The following RAB3B variants were observed in gnomAD, a reference collection of about 807,000 sequenced individuals.
RAB3B encodes the protein ras-related protein Rab-3B.
RAB3B carries 11 observed loss-of-function variants against 20.5 expected under a neutral mutation model. That is an observed-to-expected ratio of 0.54 (90% CI 0.34 to 0.89). The LOEUF (loss-of-function observed/expected upper bound fraction) is 0.89, where lower values mean the gene tolerates loss of function less well. Ranked by LOEUF, RAB3B falls within the 40% of genes least tolerant of loss-of-function variation. The pLI is 0.02. For missense variants in RAB3B, 225 were observed against 280.9 expected, an observed-to-expected ratio of 0.80 and a Z score of 1.42; for synonymous variants, 99 against 106.3, an observed-to-expected ratio of 0.93 and a Z score of 0.42.
chr1:51,920,437 G>C (rs975754101), intron 4 of RAB3B, among the ~76,000 whole-genome samples: 1 of 152,170 alleles, frequency 6.6e-6, no homozygotes, highest in Non-Finnish European at 1.5e-5. Flanking sequence ...ATTATTTCAA[G>C]GATCAGGCAA....
chr1:51,981,676 T>TTTA (rs1685089918), intron 1 of RAB3B, among the ~76,000 whole-genome samples: 2 of 151,936 alleles, frequency 1.3e-5, no homozygotes, highest in Non-Finnish European at 2.9e-5. Flanking sequence ...ATGAACTGCA[T>TTTA]AACAACATTT....
In RAB3B at chr1:51,908,832, GTCT is replaced by G. The variant is rs1344930715; in HGVS notation, c.*11092_*11094del. ...GGTTGCTTCACTGATGCAGGCCTCA[GTCT>G]TCCTCATCTGTACTGGAAATAATAA... On this transcript the variant is annotated 3_prime_UTR_variant, in exon 5 of 5. Coordinates refer to ENST00000371655, the MANE Select transcript of RAB3B (RefSeq NM_002867.4). The G allele has an allele frequency of 6.6e-6, 1 of 152,194 alleles. No homozygotes were observed. The highest frequency in any genetic ancestry group is 1.5e-5 in the Non-Finnish European group (1 of 68,110). The allele number at this position is 152,194 out of a possible 1,614,324, so 9.4% of individuals were successfully genotyped here.
intron 1 of RAB3B, among the ~76,000 whole-genome samples, chr1:51,977,897 A>ACCAAATTG (rs1293323833): frequency 4.6e-5 from 7 of 152,154 alleles, no homozygotes; most frequent in African/African-American, 9.7e-5. Flanking sequence ...TAACCAACTA[A>ACCAAATTG]CCAAAGAGGC....
At chr1:51,920,747 T>C (rs1684161853) in intron 4 of RAB3B, among the ~76,000 whole-genome samples, 2 of 152,238 alleles carry the variant, frequency 1.3e-5, no homozygotes, top group East Asian at 1.9e-4. Flanking sequence ...TTTCCTCCTC[T>C]TTCCCCTGCC....
At chr1:51,933,186 G>C (rs1684350245) in intron 4 of RAB3B, 132 bp downstream of exon 4, 1 of 965,584 alleles carries the variant, frequency 1.0e-6, no homozygotes, top group Non-Finnish European at 1.5e-6. Context: ...AATACACACA[G>C]ATCACATAGG....
rs1459341758 is a variant in RAB3B, at chr1:51,916,440, AT to A, written c.*3486del. Reference sequence around the variant, plus strand: ...GGCGTCATGAGGACCTTGGTCTGAAATCCTAGTACTAGAGTAGGTGAGTGTT... The same window carrying A: ...GGCGTCATGAGGACCTTGGTCTGAAACCTAGTACTAGAGTAGGTGAGTGTT... On this transcript the variant is annotated 3_prime_UTR_variant, in exon 5 of 5. Transcript: ENST00000371655. 1 of 152,256 alleles carries A rather than the reference AT, an allele frequency of 6.6e-6. No homozygotes were observed. Among genetic ancestry groups the A allele is most frequent in the South Asian group, 2.1e-4 (1 of 4,836 alleles). The allele number at this position is 152,256 out of a possible 1,614,324, so 9.4% of individuals were successfully genotyped here.
intron 3 of RAB3B, among the ~76,000 whole-genome samples, chr1:51,935,773 A>C (rs1684390389): frequency 6.6e-6 from 1 of 151,970 alleles, no homozygotes; most frequent in Non-Finnish European, 1.5e-5. Context: ...GAAAATGATG[A>C]GTGGAGAGAG....
intron 2 of RAB3B, among the ~76,000 whole-genome samples, chr1:51,976,313 C>G (rs1015261247): frequency 4.6e-5 from 7 of 152,016 alleles, no homozygotes; most frequent in Admixed American, 3.3e-4. Context: ...CTACAGGAGC[C>G]CACCACCATG....
Position 51,933,354 on chromosome 1 carries a change from G to C in RAB3B, c.436C>G (p.Pro146Ala), listed in dbSNP as rs746274334. Reference protein sequence around the residue: ...KCDMEEERVVPTEKGQLLAEQ... With the variant: ...KCDMEEERVVATEKGQLLAEQ... ...GCAAGGAGCTGGCCCTTCTCAGTGG[G>C]AACAACCCTCTCTTCCTCCATGTCA... The change falls in exon 4 of 5, where the codon CCC (proline) becomes GCC (alanine). Residue 146 changes from proline to alanine, a missense_variant. Transcript: ENST00000371655. 1.2e-6 allele frequency: 2 copies of C among 1,613,882 alleles called. No homozygotes were observed. Among genetic ancestry groups the C allele is most frequent in the African/African-American group, 2.7e-5 (2 of 74,904 alleles).
In RAB3B at chr1:51,911,173, G is replaced by A. The variant is rs1683992307; in HGVS notation, c.*8754C>T. 1.3e-5 allele frequency: 2 copies of A among 152,234 alleles called. No individual in the cohort carries two copies. Among genetic ancestry groups the A allele is most frequent in the Admixed American group, 6.5e-5 (1 of 15,272 alleles). 9.4% of individuals were successfully genotyped at this position (152,234 alleles called of 1,614,324 possible). A position where few individuals can be genotyped will look rare whatever the true frequency, so the allele number is the denominator to read the frequency against. Reference sequence around the variant, plus strand: ...GGATACCTGGGAAGCCAGACTCTGTGTGGACAGTGATCCCTAGTCATAGGA... The same window carrying A: ...GGATACCTGGGAAGCCAGACTCTGTATGGACAGTGATCCCTAGTCATAGGA... On this transcript the variant is annotated 3_prime_UTR_variant, in exon 5 of 5. Transcript: ENST00000371655.
chr1:51,941,809 A>T (rs1164364157), intron 2 of RAB3B, among the ~76,000 whole-genome samples: 1 of 152,228 alleles, frequency 6.6e-6, no homozygotes, highest in African/African-American at 2.4e-5. Context: ...CCTTCTGACC[A>T]CATACAGCAG....
chr1:51,950,825 C>A (rs1684631392), intron 2 of RAB3B, among the ~76,000 whole-genome samples: 1 of 152,182 alleles, frequency 6.6e-6, no homozygotes, highest in Non-Finnish European at 1.5e-5. Context: ...ATGCGCTACC[C>A]TCCGACCCAC....
intron 2 of RAB3B, among the ~76,000 whole-genome samples, chr1:51,960,396 GC>G (rs1684769725): frequency 6.6e-6 from 1 of 152,176 alleles, no homozygotes. Flanking sequence ...AGCCATCTGG[GC>G]CTCAGCACAG....
intron 1 of RAB3B, chr1:51,980,848 G>A (rs2124316655): frequency 5.8e-6 from 4 of 685,696 alleles, no homozygotes; most frequent in South Asian, 3.2e-5. Flanking sequence ...GACTGAAGAT[G>A]GACTATTTCC....
chr1:51,937,996 C>CTTTTTTTTTT (rs77664152), intron 2 of RAB3B, among the ~76,000 whole-genome samples: 2 of 88,746 alleles, frequency 2.3e-5, no homozygotes. Flanking sequence ...ATTTTTGTTT[C>CTTTTTTTTTT]TTTTTTTTTT....
At chr1:51,934,297 C>T (rs1356369519) in intron 3 of RAB3B, among the ~76,000 whole-genome samples, 1 of 152,106 alleles carries the variant, frequency 6.6e-6, no homozygotes, top group Non-Finnish European at 1.5e-5. Context: ...CCTCCAGGGC[C>T]CAGTGCTGAT....
At chr1:51,969,115 C>A (rs980499817) in intron 2 of RAB3B, among the ~76,000 whole-genome samples, 2 of 152,108 alleles carry the variant, frequency 1.3e-5, no homozygotes, top group Admixed American at 6.6e-5. Flanking sequence ...GGGAACATGA[C>A]AAAACCCTGT....
chr1:51,965,807 G>A (rs991323340), intron 2 of RAB3B, among the ~76,000 whole-genome samples: 5 of 152,014 alleles, frequency 3.3e-5, no homozygotes, highest in African/African-American at 9.7e-5. Flanking sequence ...TAGTTTAATC[G>A]TATTGTACCA....
At chr1:51,927,832 T>C (rs1017235090) in intron 4 of RAB3B, among the ~76,000 whole-genome samples, 3 of 152,034 alleles carry the variant, frequency 2.0e-5, no homozygotes, top group Admixed American at 6.5e-5. Flanking sequence ...AACTACATTG[T>C]GGATGGTCTC....
Sources: allele counts gnomAD v4.1 joint callset (sites outside exome capture counted in the v4.1 genomes callset), GRCh38; gene constraint gnomAD v4.1.1; transcripts MANE v1.5; gene names NCBI Gene and HGNC (gene_info 2026-07-23, HGNC 2026-07-21).